Variants in HTR7 observed in about 807,000 individuals in gnomAD.
The protein encoded by HTR7 is 5-HT-7.
HTR7 carries 16 observed loss-of-function variants against 34.0 expected under a neutral mutation model. The observed-to-expected ratio is 0.47, with a 90% CI of 0.32 to 0.71. The LOEUF (loss-of-function observed/expected upper bound fraction) is 0.71. HTR7 is among the 30% of genes least tolerant of loss of function. The pLI is 0.04. For missense variants in HTR7, 504 were observed against 625.5 expected (o/e 0.81, Z 2.07); for synonymous variants, 265 against 260.2 (o/e 1.02, Z -0.18).
chr10:90,783,915 C>T (rs977191659), intron 1 of HTR7, among the ~76,000 whole-genome samples: 11 of 152,090 alleles, frequency 7.2e-5, no homozygotes, highest in Admixed American at 2.0e-4. Context: ...GTTGGTCCAC[C>T]GGGGAAAGGT....
intron 1 of HTR7, among the ~76,000 whole-genome samples, chr10:90,818,479 G>T (rs1845930915): frequency 7.1e-6 from 1 of 141,808 alleles, no homozygotes; most frequent in Non-Finnish European, 1.5e-5. Context: ...CCAGGAGGTG[G>T]AGGTTGCAGT....
intron 1 of HTR7, among the ~76,000 whole-genome samples, chr10:90,805,288 A>T (rs1054004612): frequency 6.6e-6 from 1 of 152,202 alleles, no homozygotes. Flanking sequence ...CCTGTTCCTT[A>T]AAGGACTCCA....
chr10:90,856,784 C>T (rs1422349934), intron 1 of HTR7, among the ~76,000 whole-genome samples: 1 of 152,164 alleles, frequency 6.6e-6, no homozygotes, highest in Non-Finnish European at 1.5e-5. Flanking sequence ...TTAAGGCTCA[C>T]AGCAAGGCTT....
intron 1 of HTR7, among the ~76,000 whole-genome samples, chr10:90,796,991 G>A (rs1300960399): frequency 8.9e-5 from 13 of 145,914 alleles, no homozygotes; most frequent in Non-Finnish European, 6.0e-5. Flanking sequence ...CAGCCTGGGC[G>A]ACAAAGCAAG....
At chr10:90,750,260 GC>G (rs1844713535) in intron 1 of HTR7, among the ~76,000 whole-genome samples, 1 of 152,134 alleles carries the variant, frequency 6.6e-6, no homozygotes, top group Admixed American at 6.5e-5. Flanking sequence ...AATAAAAGCA[GC>G]CTGACTTCTC....
chr10:90,826,017 G>A (rs965422274), intron 1 of HTR7, among the ~76,000 whole-genome samples: 1 of 152,052 alleles, frequency 6.6e-6, no homozygotes, highest in African/African-American at 2.4e-5. Flanking sequence ...ATTAAAGAAT[G>A]CCAAGCAGAT....
At chr10:90,851,246 T>A (rs1846493970) in intron 1 of HTR7, among the ~76,000 whole-genome samples, 1 of 152,170 alleles carries the variant, frequency 6.6e-6, no homozygotes, top group African/African-American at 2.4e-5. Context: ...AATGGAACAA[T>A]GTTTTAAAGT....
At chr10:90,804,193 G>A (rs935901205) in intron 1 of HTR7, among the ~76,000 whole-genome samples, 34 of 152,020 alleles carry the variant, frequency 2.2e-4, no homozygotes, top group African/African-American at 6.3e-4. Flanking sequence ...CCTTCTTCCC[G>A]CACCATCCCC....
chr10:90,751,634 AG>A (rs1476815581), intron 1 of HTR7, among the ~76,000 whole-genome samples: 7 of 152,164 alleles, frequency 4.6e-5, no homozygotes, highest in Admixed American at 1.3e-4. Context: ...CTTACTGGGA[AG>A]GGGGGTGTTT....
At chr10:90,832,692 C>G (rs112126779) in intron 1 of HTR7, among the ~76,000 whole-genome samples, 253 of 152,272 alleles carry the variant, frequency 1.7e-3, no homozygotes, top group African/African-American at 5.6e-3. Flanking sequence ...AAGGAGGCAC[C>G]GAGAGTGAGC....
At chr10:90,750,762 A>T (rs1844720834) in intron 1 of HTR7, among the ~76,000 whole-genome samples, 1 of 152,224 alleles carries the variant, frequency 6.6e-6, no homozygotes, top group African/African-American at 2.4e-5. Flanking sequence ...ATCCCACAAA[A>T]GTCCAAAATC....
At chr10:90,854,453 GA>G (rs1846548953) in intron 1 of HTR7, among the ~76,000 whole-genome samples, 1 of 152,184 alleles carries the variant, frequency 6.6e-6, no homozygotes, top group African/African-American at 2.4e-5. Flanking sequence ...AGAAGGTGGG[GA>G]GATGGAATAT....
chr10:90,857,521 C>G lies in HTR7; in HGVS notation c.151G>C (p.Glu51Gln), dbSNP rs761574748. Residue 51 changes from glutamate to glutamine, a missense_variant, in exon 1 of 4, where the codon GAG (glutamate) becomes CAG (glutamine). Transcript: ENST00000336152. This position sits in a 1 kb window ranked among gnomAD's most constrained non-coding sequence, Gnocchi z 6.5. ...AGSWAPHLLS[E>Q]VTASPAPTWD... is the part of the protein sequence containing the mutation. Reference sequence around the variant, plus strand: ...GTGGGCGCCGGGCTGGCTGTCACCTCGCTCAGCAGGTGCGGCGCCCAGGAG... The same window carrying G: ...GTGGGCGCCGGGCTGGCTGTCACCTGGCTCAGCAGGTGCGGCGCCCAGGAG... 20 of 1,610,384 alleles carry G rather than the reference C, an allele frequency of 1.2e-5. No homozygotes were observed. In the African/African-American group the frequency reaches 2.1e-4, roughly 17 times the overall value.
chr10:90,804,439 G>A (rs1439509145), intron 1 of HTR7, among the ~76,000 whole-genome samples: 1 of 152,158 alleles, frequency 6.6e-6, no homozygotes, highest in Non-Finnish European at 1.5e-5. Flanking sequence ...CAGAGGTTGT[G>A]GGCAACTGCT....
intron 1 of HTR7, among the ~76,000 whole-genome samples, chr10:90,819,070 T>C (rs1845939658): frequency 6.6e-6 from 1 of 152,188 alleles, no homozygotes; most frequent in South Asian, 2.1e-4. Context: ...CTTTATAAAT[T>C]ACCCAGCCTC....
rs184902168 is a variant in HTR7, at chr10:90,748,530, T to C, written c.1295+309A>G. 4.6e-3 allele frequency among the ~76,000 whole-genome samples: 694 copies of C among 152,312 alleles called. 2 individuals are homozygous for C. The highest frequency in any genetic ancestry group is 6.8e-3 in the Middle Eastern group (2 of 294). On this transcript the variant is annotated intron_variant, in intron 2 of 3. Transcript: ENST00000336152. ...AATAATAATGTTACACAAATTCAGA[T>C]GTAAGGATATCATTTGGATGTCATT...
intron 1 of HTR7, among the ~76,000 whole-genome samples, chr10:90,797,496 C>T (rs1473512088): frequency 6.6e-6 from 1 of 152,116 alleles, no homozygotes; most frequent in Non-Finnish European, 1.5e-5. Context: ...GTAAGAGTTT[C>T]AATGTTATTC....
intron 1 of HTR7, among the ~76,000 whole-genome samples, chr10:90,828,257 A>T (rs980469007): frequency 1.3e-5 from 2 of 152,214 alleles, no homozygotes; most frequent in Admixed American, 6.5e-5. Flanking sequence ...TACATAAAAA[A>T]AGTAGAAAGA....
chr10:90,776,480 T>TTA (rs1845212929), intron 1 of HTR7, among the ~76,000 whole-genome samples: 1 of 152,226 alleles, frequency 6.6e-6, no homozygotes, highest in Non-Finnish European at 1.5e-5. Context: ...AGTGAATAAA[T>TTA]TCTATAAACC....
Sources: allele counts gnomAD v4.1 joint callset (sites outside exome capture counted in the v4.1 genomes callset), GRCh38; gene constraint gnomAD v4.1.1; non-coding constraint Gnocchi (gnomAD v3.1); transcripts MANE v1.5; gene names NCBI Gene and HGNC (gene_info 2026-07-23, HGNC 2026-07-21).